The following GFPT1 variants were observed in gnomAD, a reference collection of about 807,000 sequenced individuals.
GFPT1 encodes the protein glutamine--fructose-6-phosphate aminotransferase [isomerizing] 1.
In GFPT1, 40 loss-of-function variants were observed where a neutral mutation model predicts 92.0. The ratio of observed to expected loss-of-function variants is 0.43; its 90% CI spans 0.34 to 0.57. GFPT1 has a LOEUF of 0.57. Ranked by LOEUF, GFPT1 falls within the 20% of genes least tolerant of loss-of-function variation. The pLI is 0.02. For missense variants in GFPT1, 448 were observed against 869.1 expected, an observed-to-expected ratio of 0.52 and a Z score of 6.09; for synonymous variants, 269 against 280.6, an observed-to-expected ratio of 0.96 and a Z score of 0.41.
At chr2:69,387,042 C>A (rs760389786) in intron 1 of GFPT1, 23 bp downstream of exon 1, 2 of 1,517,094 alleles carry the variant, frequency 1.3e-6, no homozygotes, top group African/African-American at 1.4e-5. Flanking sequence ...CGGCAACACG[C>A]CCCCCGCTCC....
chr2:69,348,448 T>G, intron 10 of GFPT1, 114 bp from the exon 11 acceptor site: 15 of 846,778 alleles, frequency 1.8e-5, no homozygotes, highest in Non-Finnish European at 3.0e-5. Flanking sequence ...CACTCTGCAG[T>G]ATCTCAGAGA....
intron 17 of GFPT1, 33 bp downstream of exon 17, chr2:69,329,264 G>A: frequency 3.1e-6 from 5 of 1,604,474 alleles, no homozygotes; most frequent in East Asian, 4.5e-5. Context: ...GCAGGTCAAT[G>A]GACTGATACT....
At chr2:69,384,228 C>T (rs895216456) in intron 1 of GFPT1, among the ~76,000 whole-genome samples, 2 of 152,076 alleles carry the variant, frequency 1.3e-5, no homozygotes, top group African/African-American at 2.4e-5. Flanking sequence ...CATTACCACG[C>T]GATTTAATAT....
rs78389770 is a variant in GFPT1, at chr2:69,351,078, G to T, written c.740-895C>A. ...AGATGCATATCACTCTCTAATCACG[G>T]TATATCATATGTGGCACCCACTGTT... is the stretch of plus-strand genomic sequence containing the variant. On this transcript the variant is annotated intron_variant, in intron 9 of 19. Transcript: ENST00000357308. Among the ~76,000 whole-genome samples the T allele has an allele frequency of 3.0e-4, 46 of 152,208 alleles. 1 individual carries two copies. In the East Asian group the frequency reaches 8.9e-3, roughly 29 times the overall value.
At chr2:69,381,720 AT>A (rs35072608) in intron 1 of GFPT1, among the ~76,000 whole-genome samples, 46 of 146,138 alleles carry the variant, frequency 3.1e-4, no homozygotes, top group Non-Finnish European at 3.3e-4. Flanking sequence ...TGCCTGGCTA[AT>A]TTTTTTTTTT....
rs1248744922 is a variant in GFPT1 at position 69,387,169 on chromosome 2, C to A, written c.-98G>T. 1.5e-6 allele frequency: 2 copies of A among 1,361,632 alleles called. No individual in the cohort carries two copies. Among genetic ancestry groups the A allele is most frequent in the Non-Finnish European group, 2.0e-6 (2 of 1,023,558 alleles). The allele number at this position is 1,361,632 out of a possible 1,614,324, so 84.3% of individuals were successfully genotyped here. A position where few individuals can be genotyped will look rare whatever the true frequency, so the allele number is the denominator to read the frequency against. ...GTGGGCAATCTGCGGGCTCGGGGGC[C>A]GGGGTGGCGCCGACACGACTCCCTC... On this transcript the variant is annotated 5_prime_UTR_variant, in exon 1 of 20. Coordinates refer to ENST00000357308, the MANE Select transcript of GFPT1 (RefSeq NM_001244710.2).
chr2:69,332,608 AG>A (rs1042983139), intron 15 of GFPT1, among the ~76,000 whole-genome samples: 2 of 152,026 alleles, frequency 1.3e-5, no homozygotes, highest in Non-Finnish European at 2.9e-5. Flanking sequence ...CCCGGCCTCT[AG>A]TAAGTCTTTC....
chr2:69,368,243 C>T (rs866874361), intron 3 of GFPT1, among the ~76,000 whole-genome samples: 53 of 152,148 alleles, frequency 3.5e-4, no homozygotes, highest in African/African-American at 1.3e-3. Context: ...ATTAGCCAGG[C>T]GTTGTGGCGG....
intron 3 of GFPT1, among the ~76,000 whole-genome samples, chr2:69,367,253 G>C (rs1671632457): frequency 6.6e-6 from 1 of 152,070 alleles, no homozygotes; most frequent in Non-Finnish European, 1.5e-5. Context: ...TACATACCAG[G>C]AATTATCCAT....
chr2:69,333,516 C>T (rs142391360), intron 15 of GFPT1, among the ~76,000 whole-genome samples: 14 of 152,254 alleles, frequency 9.2e-5, no homozygotes, highest in African/African-American at 2.4e-4. Context: ...CAGAATCTAC[C>T]GAGGTTTGAA....
intron 13 of GFPT1, among the ~76,000 whole-genome samples, chr2:69,340,089 T>C (rs905346904): frequency 6.7e-6 from 1 of 150,178 alleles, no homozygotes; most frequent in African/African-American, 2.4e-5. Context: ...AAAAAAGTAA[T>C]CTCAAGATTT....
chr2:69,340,128 T>C (rs1324424084), intron 13 of GFPT1, among the ~76,000 whole-genome samples: 1 of 147,902 alleles, frequency 6.8e-6, no homozygotes, highest in Non-Finnish European at 1.5e-5. Flanking sequence ...TTTATTATTT[T>C]AGTTGGGGCA....
chr2:69,327,220 T>C, intron 18 of GFPT1, 145 bp from the exon 19 acceptor site: 1 of 740,302 alleles, frequency 1.4e-6, no homozygotes, highest in African/African-American at 1.7e-5. Flanking sequence ...GTAAATCTGA[T>C]TGTTATTACT....
chr2:69,355,521 G>GAGTA (rs1448165851), intron 7 of GFPT1, among the ~76,000 whole-genome samples: 13 of 152,100 alleles, frequency 8.5e-5, no homozygotes, highest in Admixed American at 4.6e-4. Context: ...CTGCAAAGTT[G>GAGTA]AGTAGTTGCT....
At chr2:69,361,315 T>G (rs1671466384) in intron 4 of GFPT1, among the ~76,000 whole-genome samples, 1 of 151,562 alleles carries the variant, frequency 6.6e-6, no homozygotes, top group African/African-American at 2.4e-5. Flanking sequence ...AGGCGTGGTG[T>G]CAGGCGCCTG....
intron 1 of GFPT1, among the ~76,000 whole-genome samples, chr2:69,378,392 G>GCA (rs1415962879): frequency 6.6e-6 from 1 of 152,186 alleles, no homozygotes; most frequent in African/African-American, 2.4e-5. Flanking sequence ...TGCTCTAAGA[G>GCA]CACACACAGT....
Position 69,342,116 on chromosome 2 carries a change from A to AT in GFPT1, c.1203+35dup, listed in dbSNP as rs778971562. 3 of 1,101,652 alleles carry AT rather than the reference A, an allele frequency of 2.7e-6. No homozygotes were observed. The African/African-American group carries it at 4.6e-5, about 17-fold the overall frequency. 68.2% of individuals were successfully genotyped at this position (1,101,652 alleles called of 1,614,324 possible). A position where few individuals can be genotyped will look rare whatever the true frequency, so the allele number is the denominator to read the frequency against. On this transcript the variant is annotated intron_variant, in intron 13 of 19. Transcript: ENST00000357308. The stretch of plus-strand genomic sequence containing the variant: ...CTACTTGGTCTACAGATATTCTCTA[A>AT]TATTCAACATAATTAAAATTTTAAA...
intron 15 of GFPT1, among the ~76,000 whole-genome samples, chr2:69,335,350 T>C (rs1670770097): frequency 6.6e-6 from 1 of 152,186 alleles, no homozygotes; most frequent in African/African-American, 2.4e-5. Context: ...TTGAAAATCA[T>C]CATCATAAAA....
At chr2:69,386,679 C>CG (rs1169728098) in intron 1 of GFPT1, among the ~76,000 whole-genome samples, 1 of 152,112 alleles carries the variant, frequency 6.6e-6, no homozygotes, top group Admixed American at 6.6e-5. Context: ...AGACCTCGCC[C>CG]GAGGTTCCAC....
Sources: allele counts gnomAD v4.1 joint callset (sites outside exome capture counted in the v4.1 genomes callset), GRCh38; gene constraint gnomAD v4.1.1; transcripts MANE v1.5; gene names NCBI Gene and HGNC (gene_info 2026-07-23, HGNC 2026-07-21).